The following ZNF148 variants were observed in gnomAD, a reference collection of about 807,000 sequenced individuals.
ZNF148 encodes zinc finger protein 148.
ZNF148 carries 7 observed loss-of-function variants against 67.7 expected under a neutral mutation model. That is an observed-to-expected ratio of 0.10 (90% confidence interval 0.06 to 0.19). The LOEUF (loss-of-function observed/expected upper bound fraction) is 0.19, where lower values mean the gene tolerates loss of function less well. ZNF148 is among the 10% of genes least tolerant of loss of function. ZNF148 has a pLI of 1.00. For missense variants in ZNF148, 583 were observed against 947.1 expected (o/e 0.62, Z 5.05); for synonymous variants, 333 against 330.7 (o/e 1.01, Z -0.08).
chr3:125,255,928 G>A (rs557456418), intron 7 of ZNF148, among the ~76,000 whole-genome samples: 28 of 151,620 alleles, frequency 1.8e-4, no homozygotes, highest in Non-Finnish European at 2.9e-4. Flanking sequence ...TCCTTGGTTC[G>A]TTTTTTAAAA....
At chr3:125,309,941 A>T (rs1940106779) in intron 4 of ZNF148, among the ~76,000 whole-genome samples, 1 of 152,250 alleles carries the variant, frequency 6.6e-6, no homozygotes, top group Non-Finnish European at 1.5e-5. Context: ...TTAAGAGAAT[A>T]GCAATCATAT....
In ZNF148 at chr3:125,274,883, G is replaced by GT. The variant is rs1216940841; in HGVS notation, c.667+2842dup. On this transcript the variant is annotated intron_variant, in intron 7 of 8. Transcript: ENST00000360647. ...AATATGGAAAATCTTTTTTAATGCC[G>GT]TAACTATTTAAATGCATTCTTCTAA... Among the ~76,000 whole-genome samples the GT allele has an allele frequency of 7.2e-5, 11 of 152,198 alleles. No homozygotes were observed. In the East Asian group the frequency reaches 2.1e-3, roughly 29 times the overall value.
intron 4 of ZNF148, among the ~76,000 whole-genome samples, chr3:125,312,134 A>G (rs1024851170): frequency 3.3e-5 from 5 of 152,214 alleles, no homozygotes; most frequent in Admixed American, 3.3e-4. Flanking sequence ...CAAAGACATC[A>G]AGAAAACTAT....
In ZNF148 at chr3:125,307,307, G is replaced by GT. The variant is rs57145131; in HGVS notation, c.333+6000dup. ...TTGATGAAGTTAAATATCCATTCAT[G>GT]TTTTTTTTTTTTTTGAGACGGAGTC... is the stretch of plus-strand genomic sequence containing the variant. On this transcript the variant is annotated intron_variant, in intron 4 of 8. Coordinates refer to ENST00000360647, the MANE Select transcript of ZNF148 (RefSeq NM_021964.3). 7.7e-3 allele frequency among the ~76,000 whole-genome samples: 1,117 copies of GT among 144,340 alleles called. 23 individuals are homozygous for GT. The highest frequency in any genetic ancestry group is 0.053 in the Admixed American group (778 of 14,618). 94.7% of individuals were successfully genotyped at this position (144,340 alleles called of 152,430 possible).
At chr3:125,293,144 T>C (rs1227704755) in intron 4 of ZNF148, among the ~76,000 whole-genome samples, 7 of 152,182 alleles carry the variant, frequency 4.6e-5, no homozygotes, top group African/African-American at 7.2e-5. Flanking sequence ...TACTGATACA[T>C]ATAACCAACA....
At chr3:125,240,027 G>C (rs1936277098) in intron 7 of ZNF148, among the ~76,000 whole-genome samples, 1 of 152,162 alleles carries the variant, frequency 6.6e-6, no homozygotes, top group African/African-American at 2.4e-5. Flanking sequence ...GTACAACTCT[G>C]TGAACATACT....
chr3:125,260,399 C>T (rs1263374044), intron 7 of ZNF148, among the ~76,000 whole-genome samples: 1 of 152,020 alleles, frequency 6.6e-6, no homozygotes, highest in Non-Finnish European at 1.5e-5. Context: ...CAATATCACT[C>T]CAAGGTATTT....
intron 3 of ZNF148, among the ~76,000 whole-genome samples, chr3:125,315,270 A>G (rs2107678006): frequency 6.6e-6 from 1 of 152,304 alleles, no homozygotes; most frequent in Admixed American, 6.5e-5. Flanking sequence ...CATCAGTCAA[A>G]AACTCCATAT....
rs867728901 is a variant in ZNF148 at position 125,232,678 on chromosome 3, G to A, written c.2048C>T (p.Ser683Leu). ...ACCTGAAAAGGGAAATGAGTGCTGTGAATCACCAACTATTAGTCCAAAGTG... is the reference window on the plus strand; with the variant it reads ...ACCTGAAAAGGGAAATGAGTGCTGTAAATCACCAACTATTAGTCCAAAGTG... ...KSHFGLIVGDSQHSFPFSGDE... is the reference protein window; with the variant it reads ...KSHFGLIVGDLQHSFPFSGDE... The change falls in exon 9 of 9, where the codon TCA (serine) becomes TTA (leucine). Residue 683 changes from serine to leucine, a missense_variant. This residue lies in a region of ZNF148 where 158 missense variants were observed against 208.4 expected (regional missense o/e 0.76). Coordinates refer to ENST00000360647, the MANE Select transcript of ZNF148 (RefSeq NM_021964.3). This position sits in a 1 kb window ranked among gnomAD's most constrained non-coding sequence, Gnocchi z 4.2. 1 of 1,613,866 alleles carries A rather than the reference G, an allele frequency of 6.2e-7. No individual in the cohort carries two copies. Among genetic ancestry groups the A allele is most frequent in the Non-Finnish European group, 8.5e-7 (1 of 1,179,816 alleles).
At chr3:125,277,328 G>A (rs535978770) in intron 7 of ZNF148, among the ~76,000 whole-genome samples, 32 of 152,252 alleles carry the variant, frequency 2.1e-4, no homozygotes, top group African/African-American at 7.2e-4. Flanking sequence ...ATGTCTAAGG[G>A]TAAGGTATAT....
chr3:125,309,183 A>AACT, intron 4 of ZNF148, among the ~76,000 whole-genome samples: 1 of 152,352 alleles, frequency 6.6e-6, no homozygotes, highest in African/African-American at 2.4e-5. Flanking sequence ...CAGTTGTCAA[A>AACT]ACTCTGAACT....
chr3:125,342,000 G>GAGT lies in ZNF148; in HGVS notation c.-233-10763_-233-10762insACT, dbSNP rs1491297796. ...ACAGAGCCACACTCTGTTTCGGGGC[G>GAGT]GGGGGGGGAATGGAAATCATGGGGA... On this transcript the variant is annotated intron_variant, in intron 1 of 8. Coordinates refer to ENST00000360647, the MANE Select transcript of ZNF148 (RefSeq NM_021964.3). 2.7e-3 allele frequency among the ~76,000 whole-genome samples: 208 copies of GAGT among 75,978 alleles called. 4 individuals are homozygous for GAGT. Among genetic ancestry groups the GAGT allele is most frequent in the Admixed American group, 0.023 (205 of 8,768 alleles). The allele number at this position is 75,978 out of a possible 152,430, so 49.8% of individuals were successfully genotyped here. A position where few individuals can be genotyped will look rare whatever the true frequency, so the allele number is the denominator to read the frequency against.
chr3:125,342,639 A>T (rs1941777945), intron 1 of ZNF148, among the ~76,000 whole-genome samples: 1 of 152,166 alleles, frequency 6.6e-6, no homozygotes, highest in South Asian at 2.1e-4. Context: ...GACTGGCTGA[A>T]GAAAATTTGC....
chr3:125,308,838 A>C (rs1002361021), intron 4 of ZNF148, among the ~76,000 whole-genome samples: 13 of 152,334 alleles, frequency 8.5e-5, no homozygotes, highest in African/African-American at 2.9e-4. Context: ...AAAGCAAGAG[A>C]CAACACAAGT....
At chr3:125,329,793 G>C (rs1941204425) in intron 2 of ZNF148, among the ~76,000 whole-genome samples, 1 of 151,646 alleles carries the variant, frequency 6.6e-6, no homozygotes, top group Admixed American at 6.6e-5. Context: ...CCAAATATCA[G>C]AATACTATGC....
At chr3:125,320,894 T>C (rs184663358) in intron 3 of ZNF148, among the ~76,000 whole-genome samples, 38 of 152,288 alleles carry the variant, frequency 2.5e-4, no homozygotes, top group Admixed American at 1.8e-3. Context: ...CCGTGAGAAA[T>C]TATACCTTAA....
chr3:125,336,676 C>CTTTTT (rs1559765728), intron 1 of ZNF148, among the ~76,000 whole-genome samples: 6 of 46,154 alleles, frequency 1.3e-4, no homozygotes, highest in Admixed American at 5.2e-4. Context: ...CCAGAAATCA[C>CTTTTT]CTTTTTTTTT....
At chr3:125,340,146 C>T (rs1012110049) in intron 1 of ZNF148, among the ~76,000 whole-genome samples, 24 of 152,126 alleles carry the variant, frequency 1.6e-4, no homozygotes, top group African/African-American at 5.8e-4. Flanking sequence ...GTCCTCACAC[C>T]CAACAGAAGA....
At position 125,247,588 on chromosome 3, in the gene ZNF148, C is replaced by T. The variant is rs936970858; in HGVS notation, c.668-13259G>A. 3.9e-5 allele frequency among the ~76,000 whole-genome samples: 6 copies of T among 152,170 alleles called. No homozygotes were observed. In the East Asian group the frequency reaches 1.2e-3, roughly 29 times the overall value. The stretch of plus-strand genomic sequence containing the variant: ...GAGTAGCTGGGATTACAGGGACGTA[C>T]CACCAGGCCAGGCTAATTTTTTTGT... On this transcript the variant is annotated intron_variant, in intron 7 of 8. Coordinates refer to ENST00000360647, the MANE Select transcript of ZNF148 (RefSeq NM_021964.3).
Sources: gnomAD v4.1 joint callset for allele counts (sites outside exome capture counted in the v4.1 genomes callset) on GRCh38, gnomAD v4.1.1 for gene constraint, gnomAD v4.1.1 regional missense constraint, Gnocchi (gnomAD v3.1) non-coding constraint, MANE v1.5 for transcripts, NCBI Gene and HGNC (gene_info 2026-07-23, HGNC 2026-07-21) for gene names.